The following CORIN variants were observed in gnomAD, a reference collection of about 807,000 sequenced individuals.
CORIN encodes the protein corin, serine peptidase, also known as atrial natriuretic peptide-converting enzyme.
In CORIN, 117 loss-of-function variants were observed where a neutral mutation model predicts 125.3. The ratio of observed to expected loss-of-function variants is 0.93; its 90% confidence interval spans 0.80 to 1.09. The LOEUF is 1.09. Ranked by LOEUF, CORIN falls within the 50% of genes least tolerant of loss-of-function variation. CORIN has a pLI of 0.00. For missense variants in CORIN, 1,253 were observed against 1,306.7 expected, an observed-to-expected ratio of 0.96 and a Z score of 0.63; for synonymous variants, 450 against 466.4, an observed-to-expected ratio of 0.96 and a Z score of 0.45.
chr4:47,767,437 G>A (rs1171439061), intron 3 of CORIN, among the ~76,000 whole-genome samples: 1 of 152,002 alleles, frequency 6.6e-6, no homozygotes, highest in East Asian at 1.9e-4. Context: ...AGCTGGTATG[G>A]CTATTGGTAC....
chr4:47,695,114 G>A (rs1023179578), intron 5 of CORIN, among the ~76,000 whole-genome samples: 2 of 152,168 alleles, frequency 1.3e-5, no homozygotes, highest in Non-Finnish European at 2.9e-5. Context: ...GCACAGGAGT[G>A]CACTCCTATA....
intron 10 of CORIN, 42 bp from the exon 11 acceptor site, chr4:47,665,305 TATAA>T: frequency 6.9e-7 from 1 of 1,439,230 alleles, no homozygotes; most frequent in Non-Finnish European, 9.6e-7. Flanking sequence ...AAATTTCACA[TATAA>T]AAACAACTTC....
rs535347214 is a variant in CORIN, at chr4:47,763,378, C to T, written c.617+1G>A. 1 of 1,611,654 alleles carries T rather than the reference C, an allele frequency of 6.2e-7. No homozygotes were observed. The highest frequency in any genetic ancestry group is 1.7e-5 in the Admixed American group (1 of 59,766). ...ACTGAATAATCTGGGTTCCGAAATA[C>T]CTGTCATCGCCATCAATGATGCACT... On this transcript the variant is annotated splice_donor_variant, in intron 4 of 21. Transcript: ENST00000273857. LOFTEE classifies it high-confidence loss of function.
chr4:47,818,515 G>GT (rs1195633217), intron 1 of CORIN, among the ~76,000 whole-genome samples: 1 of 152,160 alleles, frequency 6.6e-6, no homozygotes, highest in South Asian at 2.1e-4. Context: ...CTAAAAGGCA[G>GT]TTTTTTAAAA....
chr4:47,791,616 A>C (rs1397715760), intron 2 of CORIN, among the ~76,000 whole-genome samples: 5 of 152,200 alleles, frequency 3.3e-5, no homozygotes, highest in Non-Finnish European at 1.5e-5. Flanking sequence ...AGTTTATGAG[A>C]GTGAATTAGC....
At chr4:47,638,965 G>T (rs1723133350) in intron 16 of CORIN, among the ~76,000 whole-genome samples, 1 of 152,168 alleles carries the variant, frequency 6.6e-6, no homozygotes, top group Non-Finnish European at 1.5e-5. Flanking sequence ...GGCATAATTT[G>T]GGTCTAAAAC....
At chr4:47,621,337 A>C (rs1322687360) in intron 19 of CORIN, among the ~76,000 whole-genome samples, 1 of 152,170 alleles carries the variant, frequency 6.6e-6, no homozygotes, top group African/African-American at 2.4e-5. Context: ...ACAGAGAGGA[A>C]CTGAGGCCCC....
intron 1 of CORIN, among the ~76,000 whole-genome samples, chr4:47,822,368 C>T (rs1404037582): frequency 6.6e-6 from 1 of 152,174 alleles, no homozygotes; most frequent in African/African-American, 2.4e-5. Context: ...AAACACAACA[C>T]AGCCATTAAA....
At chr4:47,789,061 G>T (rs1309717311) in intron 2 of CORIN, among the ~76,000 whole-genome samples, 2 of 152,134 alleles carry the variant, frequency 1.3e-5, no homozygotes, top group Admixed American at 1.3e-4. Context: ...CCAGCACTTT[G>T]GGAGGCCGAG....
intron 4 of CORIN, among the ~76,000 whole-genome samples, chr4:47,758,697 G>T (rs114152620): frequency 5.3e-5 from 8 of 152,154 alleles, no homozygotes; most frequent in Admixed American, 5.2e-4. Flanking sequence ...AATCATAGGG[G>T]CAGTTACCCC....
At chr4:47,629,088 T>G (rs1722703469) in intron 16 of CORIN, among the ~76,000 whole-genome samples, 1 of 152,136 alleles carries the variant, frequency 6.6e-6, no homozygotes, top group Non-Finnish European at 1.5e-5. Context: ...TGGTAGGTAG[T>G]TCTATTTTAA....
intron 16 of CORIN, among the ~76,000 whole-genome samples, chr4:47,641,315 AT>A (rs1221272415): frequency 6.6e-6 from 1 of 152,198 alleles, no homozygotes; most frequent in Non-Finnish European, 1.5e-5. Context: ...ATACTTACAC[AT>A]TCTAAGACCC....
At chr4:47,834,197 A>G (rs1387406210) in intron 1 of CORIN, among the ~76,000 whole-genome samples, 1 of 152,200 alleles carries the variant, frequency 6.6e-6, no homozygotes. Context: ...GTCCACTGAT[A>G]GATGAATGGA....
chr4:47,655,071 C>T (rs77315097), intron 12 of CORIN, among the ~76,000 whole-genome samples: 2 of 152,014 alleles, frequency 1.3e-5, no homozygotes, highest in African/African-American at 4.8e-5. Flanking sequence ...TATCTTCAAC[C>T]AAAAGGGAAC....
intron 10 of CORIN, among the ~76,000 whole-genome samples, chr4:47,665,631 C>T (rs1052745750): frequency 2.6e-5 from 4 of 152,136 alleles, no homozygotes; most frequent in Non-Finnish European, 5.9e-5. Context: ...AATAGGATAG[C>T]CCCATCATCT....
intron 16 of CORIN, among the ~76,000 whole-genome samples, chr4:47,626,838 T>C (rs1722590137): frequency 6.6e-6 from 1 of 152,226 alleles, no homozygotes; most frequent in Admixed American, 6.5e-5. Flanking sequence ...TCCTCCTCTT[T>C]TCTTGTCCAT....
At chr4:47,657,705 C>T (rs889275531) in intron 12 of CORIN, among the ~76,000 whole-genome samples, 2 of 151,884 alleles carry the variant, frequency 1.3e-5, no homozygotes, top group Non-Finnish European at 2.9e-5. Context: ...GGAGCAGGCA[C>T]GTCACATGGC....
At chr4:47,672,804 G>T (rs1724820593) in intron 10 of CORIN, among the ~76,000 whole-genome samples, 1 of 152,014 alleles carries the variant, frequency 6.6e-6, no homozygotes, top group East Asian at 1.9e-4. Flanking sequence ...ATGGAGGAGG[G>T]GTGGGCATGT....
intron 5 of CORIN, among the ~76,000 whole-genome samples, chr4:47,695,435 TTTTATC>T (rs1043844983): frequency 4.7e-4 from 72 of 152,234 alleles, no homozygotes; most frequent in South Asian, 2.1e-4. Flanking sequence ...AACCTCCAGA[TTTTATC>T]TTTAAGACCC....
Sources: allele counts gnomAD v4.1 joint callset (sites outside exome capture counted in the v4.1 genomes callset), GRCh38; gene constraint gnomAD v4.1.1; transcripts MANE v1.5; gene names NCBI Gene and HGNC (gene_info 2026-07-23, HGNC 2026-07-21).